The following CPQ variants were observed in gnomAD, a reference collection of about 807,000 sequenced individuals.
CPQ encodes carboxypeptidase Q.
In CPQ, 37 loss-of-function variants were observed where a neutral mutation model predicts 45.7. The observed-to-expected ratio is 0.81, with a 90% CI of 0.62 to 1.07. The LOEUF (loss-of-function observed/expected upper bound fraction) is 1.07. CPQ is among the 50% of genes least tolerant of loss of function. CPQ has a pLI of 0.00. For missense variants in CPQ, 537 were observed against 572.9 expected (o/e 0.94, Z 0.64); for synonymous variants, 186 against 205.8 (o/e 0.90, Z 0.82).
intron 7 of CPQ, among the ~76,000 whole-genome samples, chr8:97,099,683 A>G (rs1811271344): frequency 1.3e-5 from 2 of 152,188 alleles, no homozygotes; most frequent in Admixed American, 1.3e-4. Flanking sequence ...AATGAGCACA[A>G]TAATTCAAAA....
intron 1 of CPQ, 99 bp downstream of exon 1, chr8:96,645,501 G>A (rs1245191528): frequency 1.3e-5 from 2 of 152,696 alleles, no homozygotes; most frequent in African/African-American, 4.8e-5. Context: ...GAGCAGGCCA[G>A]GGGCGGGGGC....
intron 1 of CPQ, among the ~76,000 whole-genome samples, chr8:96,755,975 A>T (rs975240499): frequency 7.3e-5 from 11 of 151,662 alleles, no homozygotes; most frequent in Non-Finnish European, 1.3e-4. Context: ...TTTTGTTCAG[A>T]CTCCCCATTT....
chr8:96,908,106 ACGTG>A (rs1394297352), intron 4 of CPQ, among the ~76,000 whole-genome samples: 3 of 75,388 alleles, frequency 4.0e-5, no homozygotes, highest in Middle Eastern at 5.3e-3. Flanking sequence ...CCCCACTGCA[ACGTG>A]TGTGTGTGTG....
chr8:96,823,350 G>A (rs1048194068), intron 2 of CPQ, among the ~76,000 whole-genome samples: 1 of 151,884 alleles, frequency 6.6e-6, no homozygotes, highest in Admixed American at 6.6e-5. Context: ...TAATTTTCTT[G>A]TAGGCAAATA....
At chr8:96,931,616 C>T (rs1586456810) in intron 4 of CPQ, among the ~76,000 whole-genome samples, 1 of 152,126 alleles carries the variant, frequency 6.6e-6, no homozygotes, top group African/African-American at 2.4e-5. Context: ...GTATGACTTC[C>T]CTTTCTTCAG....
chr8:96,743,094 C>A (rs1365680205), intron 1 of CPQ, among the ~76,000 whole-genome samples: 1 of 152,124 alleles, frequency 6.6e-6, no homozygotes, highest in Admixed American at 6.5e-5. Flanking sequence ...TCCATTCTCC[C>A]GGTCACTTTC....
chr8:97,029,445 CAGA>C lies in CPQ; in HGVS notation c.1009_1011del (p.Glu337del), dbSNP rs1809858865. The C allele has an allele frequency of 6.2e-7, 1 of 1,609,502 alleles. No homozygotes were observed. The highest frequency in any genetic ancestry group is 1.3e-5 in the African/African-American group (1 of 74,866). ...ACTCTGCGGCTGGTGCTCTGGACTG[CAGA>C]AGAACAAGGTGGAGTTGGTGCCTTC... On this transcript the variant is annotated inframe_deletion, in exon 6 of 8. Transcript: ENST00000220763.
chr8:97,046,389 T>C (rs1268123633), intron 6 of CPQ, among the ~76,000 whole-genome samples: 4 of 152,166 alleles, frequency 2.6e-5, no homozygotes, highest in African/African-American at 9.7e-5. Flanking sequence ...TCTAAACTGT[T>C]TTGGTTTCAG....
chr8:96,768,851 G>A (rs190821063), intron 1 of CPQ, among the ~76,000 whole-genome samples: 1 of 152,194 alleles, frequency 6.6e-6, no homozygotes, highest in East Asian at 1.9e-4. Context: ...AAAACTGAAA[G>A]GCATAATCCA....
At chr8:96,956,070 C>T (rs1813352669) in intron 4 of CPQ, among the ~76,000 whole-genome samples, 3 of 152,140 alleles carry the variant, frequency 2.0e-5, no homozygotes, top group Admixed American at 6.5e-5. Flanking sequence ...AAGAAACTAC[C>T]ATCAGAGTGA....
chr8:96,678,131 C>T (rs762228431), intron 1 of CPQ, among the ~76,000 whole-genome samples: 11 of 151,932 alleles, frequency 7.2e-5, no homozygotes, highest in Non-Finnish European at 1.6e-4. Context: ...GTTCTTTTTG[C>T]TTATCTTGCG....
intron 4 of CPQ, among the ~76,000 whole-genome samples, chr8:96,891,244 C>T (rs1034106397): frequency 2.0e-5 from 3 of 152,190 alleles, no homozygotes; most frequent in Non-Finnish European, 1.5e-5. Flanking sequence ...AGAAGCATTG[C>T]GTGCAGAATG....
Position 96,835,073 on chromosome 8 carries a change from C to T in CPQ, c.534C>T (p.Ile178=). 1.2e-6 allele frequency: 2 copies of T among 1,613,376 alleles called. No homozygotes were observed. Among genetic ancestry groups the T allele is most frequent in the Non-Finnish European group, 1.7e-6 (2 of 1,179,658 alleles). Residue 178 remains isoleucine, a synonymous_variant, in exon 3 of 8, where the codon ATC becomes ATT. Coordinates refer to ENST00000220763, the MANE Select transcript of CPQ (RefSeq NM_016134.4). The part of the protein sequence containing the change: ...GKIVVYNQPY[I]NYSRTVQYRT... ...TTGTTGTTTATAACCAACCTTACAT[C>T]AACTACTCAAGGACGGTGCAATACC... is the stretch of plus-strand genomic sequence containing the variant.
chr8:96,835,508 A>T (rs910253373), intron 3 of CPQ, among the ~76,000 whole-genome samples: 1 of 152,200 alleles, frequency 6.6e-6, no homozygotes, highest in Non-Finnish European at 1.5e-5. Flanking sequence ...CATTTCATCA[A>T]AGATTCCTAA....
chr8:96,694,678 G>A (rs915669649), intron 1 of CPQ, among the ~76,000 whole-genome samples: 5 of 151,812 alleles, frequency 3.3e-5, no homozygotes, highest in African/African-American at 1.2e-4. Flanking sequence ...ATGACCAGTG[G>A]GTCATTGAAA....
At chr8:97,006,444 CA>C (rs1331016387) in intron 5 of CPQ, among the ~76,000 whole-genome samples, 1 of 152,108 alleles carries the variant, frequency 6.6e-6, no homozygotes, top group African/African-American at 2.4e-5. Flanking sequence ...GTCGACAGGA[CA>C]GGGGGAATTA....
intron 4 of CPQ, among the ~76,000 whole-genome samples, chr8:96,956,762 A>G (rs1813363836): frequency 6.6e-6 from 1 of 152,306 alleles, no homozygotes; most frequent in African/African-American, 2.4e-5. Context: ...GAAATGTTTA[A>G]TTTTTGCAAC....
chr8:96,932,057 T>C (rs1007009946), intron 4 of CPQ, among the ~76,000 whole-genome samples: 1 of 152,212 alleles, frequency 6.6e-6, no homozygotes, highest in African/African-American at 2.4e-5. Flanking sequence ...TTAAAATTTT[T>C]TCAAACATAT....
chr8:97,000,951 T>C (rs1809269803), intron 5 of CPQ, among the ~76,000 whole-genome samples: 1 of 152,192 alleles, frequency 6.6e-6, no homozygotes, highest in Non-Finnish European at 1.5e-5. Flanking sequence ...TAGAGATCTT[T>C]CAGTTCCCTA....
Sources: allele counts gnomAD v4.1 joint callset (sites outside exome capture counted in the v4.1 genomes callset), GRCh38; gene constraint gnomAD v4.1.1; transcripts MANE v1.5; gene names NCBI Gene and HGNC (gene_info 2026-07-23, HGNC 2026-07-21).